ITIH1: variants seen among roughly 807,000 people sequenced by gnomAD.
The protein encoded by ITIH1 is inter-alpha-trypsin inhibitor heavy chain H1.
In ITIH1, 94 loss-of-function variants were observed where a neutral mutation model predicts 104.6. The ratio of observed to expected loss-of-function variants is 0.90; its 90% CI spans 0.76 to 1.07. The LOEUF (loss-of-function observed/expected upper bound fraction) is 1.07, where lower values mean the gene tolerates loss of function less well. Ranked by LOEUF, ITIH1 falls within the 50% of genes least tolerant of loss-of-function variation. The pLI, the probability that ITIH1 is intolerant of heterozygous loss-of-function variation, is 0.00. For synonymous variants in ITIH1, 455 were observed against 464.4 expected (o/e 0.98, Z 0.26); for missense variants, 1,193 against 1,181.4 (o/e 1.01, Z -0.14).
chr3:52,787,410 C>T (rs1287502971), intron 15 of ITIH1, among the ~76,000 whole-genome samples, 182 bp from the exon 16 acceptor site: 1 of 152,204 alleles, frequency 6.6e-6, no homozygotes, highest in South Asian at 2.1e-4. Flanking sequence ...GAACCCCCAG[C>T]AGCCTCCACT....
In ITIH1 at chr3:52,778,334, C is replaced by A. The variant is rs755917108; in HGVS notation, c.139-6C>A. ...CAGGCCACAGCTCCTTCATGTCTCA[C>A]TTTAGGCTGTCGATGGCGTGTTCAT... On this transcript the variant is annotated splice_region_variant and splice_polypyrimidine_tract_variant and intron_variant, in intron 2 of 21. Transcript: ENST00000273283. 3 of 1,614,038 alleles carry A rather than the reference C, an allele frequency of 1.9e-6. No homozygotes were observed. The highest frequency in any genetic ancestry group is 2.5e-6 in the Non-Finnish European group (3 of 1,179,978).
chr3:52,786,156 C>T (rs979328189), intron 12 of ITIH1, 139 bp from the exon 13 acceptor site: 15 of 830,568 alleles, frequency 1.8e-5, no homozygotes, highest in Admixed American at 1.7e-4. Flanking sequence ...TAGGATGAGG[C>T]GAACAGGCTC....
chr3:52,784,263 C>G, intron 10 of ITIH1, 33 bp from the exon 11 acceptor site: 1 of 1,592,206 alleles, frequency 6.3e-7, no homozygotes, highest in Non-Finnish European at 8.6e-7. Context: ...TGTGGGCCAG[C>G]ATCCCGTCAC....
At position 52,779,681 on chromosome 3, in the gene ITIH1, C is replaced by G; in HGVS notation, c.573+87C>G. 3.4e-6 allele frequency: 5 copies of G among 1,476,566 alleles called. No individual in the cohort carries two copies. Among genetic ancestry groups the G allele is most frequent in the Non-Finnish European group, 4.7e-6 (5 of 1,056,696 alleles). 91.5% of individuals were successfully genotyped at this position (1,476,566 alleles called of 1,614,324 possible). A position where few individuals can be genotyped will look rare whatever the true frequency, so the allele number is the denominator to read the frequency against. On this transcript the variant is annotated intron_variant, in intron 5 of 21. Coordinates refer to ENST00000273283, the MANE Select transcript of ITIH1 (RefSeq NM_002215.4). This position sits in a 1 kb window ranked among gnomAD's most constrained non-coding sequence, Gnocchi z 4.4. ...CTGGTTGAGCACCCACCATGTGTCA[C>G]CACCCAGGCCTGAGAACACAGGGAT...
In ITIH1 at chr3:52,788,284, G is replaced by A. The variant is rs763531784; in HGVS notation, c.2058G>A (p.Leu686=). 2 of 1,612,170 alleles carry A rather than the reference G, an allele frequency of 1.2e-6. No individual in the cohort carries two copies. Among genetic ancestry groups the A allele is most frequent in the Non-Finnish European group, 8.5e-7 (1 of 1,179,306 alleles). ...IIHVPQKEDT[L]CFNINEEPGV... is the part of the protein sequence containing the mutation. The stretch of plus-strand genomic sequence containing the variant: ...ACGTGCCCCAGAAAGAGGACACCCT[G>A]TGCTTCAACATCAATGAGGAGCCTG... The change falls in exon 18 of 22, where the codon CTG becomes CTA. Residue 686 remains leucine (L), a synonymous_variant. Coordinates refer to ENST00000273283, the MANE Select transcript of ITIH1 (RefSeq NM_002215.4).
At chr3:52,785,318 G>C in intron 12 of ITIH1, 89 bp downstream of exon 12, 3 of 1,304,756 alleles carry the variant, frequency 2.3e-6, no homozygotes, top group Non-Finnish European at 3.2e-6. Flanking sequence ...CCATCCCCCA[G>C]AGGCCTCTCT....
intron 9 of ITIH1, 23 bp downstream of exon 9, chr3:52,783,148 A>G: frequency 6.2e-7 from 1 of 1,613,768 alleles, no homozygotes; most frequent in Non-Finnish European, 8.5e-7. Context: ...GTCTCAGGCA[A>G]CCTTGATGTC....
Position 52,788,042 on chromosome 3 carries a change from C to A in ITIH1, c.1981C>A (p.Arg661=), listed in dbSNP as rs757611733. The change falls in exon 17 of 22, where the codon CGG becomes AGG. Residue 661 remains arginine (R), a synonymous_variant. Transcript: ENST00000273283. The part of the protein sequence containing the change: ...SPTHSSSNTQ[R]LPDRVTGVDT... ...TACTCATTCCAGCTCCAATACCCAG[C>A]GGCTGCCAGACCGAGTGACCGGCGG... The A allele has an allele frequency of 1.2e-6, 2 of 1,610,116 alleles. No individual in the cohort carries two copies. Among genetic ancestry groups the A allele is most frequent in the East Asian group, 4.5e-5 (2 of 44,868 alleles).
At position 52,786,987 on chromosome 3, in the gene ITIH1, G is replaced by A. The variant is rs758550190; in HGVS notation, c.1776G>A (p.Gln592=). 1 of 1,614,148 alleles carries A rather than the reference G, an allele frequency of 6.2e-7. No individual in the cohort carries two copies. The highest frequency in any genetic ancestry group is 8.5e-7 in the Non-Finnish European group (1 of 1,179,990). ...AGGAGAGGGCCAACCTGTCATCCCA[G>A]GCCCTGCAGATGTCGCTGGACTATG... ...DREERANLSS[Q]ALQMSLDYGF... Residue 592 remains glutamine, a synonymous_variant, in exon 14 of 22, where the codon CAG becomes CAA. Coordinates refer to ENST00000273283, the MANE Select transcript of ITIH1 (RefSeq NM_002215.4).
At position 52,788,281 on chromosome 3, in the gene ITIH1, C is replaced by A. The variant is rs1483714893; in HGVS notation, c.2055C>A (p.Thr685=). 6.2e-7 allele frequency: 1 copy of A among 1,612,274 alleles called. No homozygotes were observed. Among genetic ancestry groups the A allele is most frequent in the South Asian group, 1.1e-5 (1 of 90,440 alleles). ...TCCACGTGCCCCAGAAAGAGGACAC[C>A]CTGTGCTTCAACATCAATGAGGAGC... The part of the protein sequence containing the change: ...FIIHVPQKED[T]LCFNINEEPG... The change falls in exon 18 of 22, where the codon ACC becomes ACA. Residue 685 remains threonine (T), a synonymous_variant. Transcript: ENST00000273283.
rs1474234679 is a variant in ITIH1 at position 52,784,325 on chromosome 3, A to G, written c.1255A>G (p.Asn419Asp). ...GACGGACCGTTCCCAAATCCTCAAG[A>G]ACGTCCGCAACGCCATCCGGGGCAG... Reference protein sequence around the residue: ...GVTDRSQILKNVRNAIRGRFP... With the variant: ...GVTDRSQILKDVRNAIRGRFP... The change falls in exon 11 of 22, where the codon AAC becomes GAC. Residue 419 changes from asparagine (N) to aspartate (D), a missense_variant. Transcript: ENST00000273283. The G allele has an allele frequency of 2.5e-6, 4 of 1,613,854 alleles. No individual in the cohort carries two copies. The African/African-American group carries it at 5.3e-5, about 22-fold the overall frequency.
In ITIH1 at chr3:52,782,948, T is replaced by A. The variant is rs752244328; in HGVS notation, c.931-9T>A. 1.9e-6 allele frequency: 3 copies of A among 1,613,730 alleles called. No individual in the cohort carries two copies. The South Asian group carries it at 3.3e-5, about 18-fold the overall frequency. On this transcript the variant is annotated splice_polypyrimidine_tract_variant and intron_variant, in intron 8 of 21. Coordinates refer to ENST00000273283, the MANE Select transcript of ITIH1 (RefSeq NM_002215.4). ...CCCTGTCTGTCTACTGACTGTTCTG[T>A]CCTTGCAGACCAAGGAGGCACTCCT... is the stretch of plus-strand genomic sequence containing the variant.
intron 11 of ITIH1, 32 bp downstream of exon 11, chr3:52,784,509 G>A: frequency 6.2e-7 from 1 of 1,604,878 alleles, no homozygotes; most frequent in Non-Finnish European, 8.5e-7. Context: ...TACCTCCAAT[G>A]GCATGCCATA....
chr3:52,791,155 C>T (rs557601240), intron 20 of ITIH1, among the ~76,000 whole-genome samples: 4 of 152,224 alleles, frequency 2.6e-5, no homozygotes, highest in East Asian at 1.9e-4. Context: ...GAGGTCTGAT[C>T]GCAAAAAGAA....
At chr3:52,788,469 G>T in intron 18 of ITIH1, 124 bp downstream of exon 18, 1 of 695,074 alleles carries the variant, frequency 1.4e-6, no homozygotes. Flanking sequence ...CCACCTGGCT[G>T]GGCTCTGCCC....
chr3:52,778,851 C>T (rs1424149270), intron 3 of ITIH1, 91 bp from the exon 4 acceptor site: 3 of 1,138,490 alleles, frequency 2.6e-6, no homozygotes, highest in Non-Finnish European at 4.0e-6. Flanking sequence ...CAGGAGACGT[C>T]CTTATCCAAG....
At chr3:52,784,579 C>A in intron 11 of ITIH1, 102 bp downstream of exon 11, 2 of 1,205,554 alleles carry the variant, frequency 1.7e-6, no homozygotes, top group Non-Finnish European at 1.2e-6. Flanking sequence ...AAAGCTCTGG[C>A]ATAGAGTTCA....
chr3:52,779,045 A>G lies in ITIH1; in HGVS notation c.409A>G (p.Arg137Gly), dbSNP rs762646950. 8 of 1,607,310 alleles carry G rather than the reference A, an allele frequency of 5.0e-6. No individual in the cohort carries two copies. In the East Asian group the frequency reaches 8.9e-5, roughly 18 times the overall value. The part of the protein sequence containing the change: ...AISGENAGLV[R>G]ASGRTMEQFT... ...CTCAGGAGAGAATGCCGGCCTTGTC[A>G]GGTGAGTTCTGGGCCTGCTGGTCTC... Residue 137 changes from arginine to glycine, a missense_variant and splice_region_variant, in exon 4 of 22, where the codon AGG becomes GGG. Coordinates refer to ENST00000273283, the MANE Select transcript of ITIH1 (RefSeq NM_002215.4). This position sits in a 1 kb window ranked among gnomAD's most constrained non-coding sequence, Gnocchi z 4.4.
chr3:52,780,477 G>A, intron 6 of ITIH1, 95 bp downstream of exon 6: 2 of 812,786 alleles, frequency 2.5e-6, no homozygotes, highest in Non-Finnish European at 4.0e-6. Context: ...CCAGAAACCA[G>A]GCAGGGGCTG....
Sources: gnomAD v4.1 joint callset for allele counts (sites outside exome capture counted in the v4.1 genomes callset) on GRCh38, gnomAD v4.1.1 for gene constraint, Gnocchi (gnomAD v3.1) non-coding constraint, MANE v1.5 for transcripts, NCBI Gene and HGNC (gene_info 2026-07-23, HGNC 2026-07-21) for gene names.